Variants in MAPRE1 observed in about 807,000 individuals in gnomAD.
The protein encoded by MAPRE1 is microtubule-associated protein RP/EB family member 1.
Under a neutral mutation model 32.1 loss-of-function variants are expected in MAPRE1, and 5 were observed. The ratio of observed to expected loss-of-function variants is 0.16; its 90% CI spans 0.08 to 0.33. MAPRE1 has a LOEUF of 0.33. Among genes scored for constraint, MAPRE1 ranks in the 10% least tolerant of loss-of-function variants. MAPRE1 has a pLI of 1.00. For synonymous variants in MAPRE1, 122 were observed against 118.9 expected (o/e 1.03, Z -0.17); for missense variants, 209 against 327.2 (o/e 0.64, Z 2.79).
intron 1 of MAPRE1, among the ~76,000 whole-genome samples, chr20:32,822,409 G>T (rs1035833250): frequency 3.9e-5 from 6 of 152,140 alleles, no homozygotes; most frequent in Admixed American, 2.0e-4. Context: ...ATTCTCTCTG[G>T]TTTGCTGTGT....
intron 2 of MAPRE1, among the ~76,000 whole-genome samples, chr20:32,832,296 A>G (rs1983051160): frequency 6.6e-6 from 1 of 152,214 alleles, no homozygotes; most frequent in African/African-American, 2.4e-5. Flanking sequence ...GCAGTAAAGT[A>G]CACAGTGAAG....
In MAPRE1 at chr20:32,849,530, T is replaced by C. The variant is rs1207627668; in HGVS notation, c.*802T>C. On this transcript the variant is annotated 3_prime_UTR_variant, in exon 7 of 7. Coordinates refer to ENST00000375571, the MANE Select transcript of MAPRE1 (RefSeq NM_012325.3). The stretch of plus-strand genomic sequence containing the variant: ...TTGGGGAAGTGAGGTGTGCCCAGTT[T>C]TTTAATCTAACAACTACTTTTGGGG... The C allele has an allele frequency of 6.6e-6, 1 of 152,498 alleles. No individual in the cohort carries two copies. Among genetic ancestry groups the C allele is most frequent in the African/African-American group, 2.4e-5 (1 of 41,470 alleles). 9.4% of individuals were successfully genotyped at this position (152,498 alleles called of 1,614,324 possible). A position where few individuals can be genotyped will look rare whatever the true frequency, so the allele number is the denominator to read the frequency against.
At chr20:32,843,341 A>G (rs941091663) in intron 5 of MAPRE1, 5 of 152,140 alleles carry the variant, frequency 3.3e-5, no homozygotes, top group Non-Finnish European at 7.3e-5. Flanking sequence ...ATCTGCACAC[A>G]CTACCTTGTG....
chr20:32,826,512 GC>G (rs36101016), intron 2 of MAPRE1, among the ~76,000 whole-genome samples: 3,349 of 122,812 alleles, frequency 0.027, 58 homozygotes, highest in Non-Finnish European at 0.042. Context: ...GAGCCACCAC[GC>G]CCGGCCTTTT....
chr20:32,839,609 A>G (rs1983298488), intron 4 of MAPRE1, 126 bp from the exon 5 acceptor site: 1 of 1,331,214 alleles, frequency 7.5e-7, no homozygotes, highest in South Asian at 1.4e-5. Context: ...GCTCTCTAGC[A>G]TTGGTTCCCT....
At chr20:32,819,893 C>T (rs978729245), upstream of MAPRE1, 4 of 141,332 alleles carry the variant, frequency 2.8e-5, no homozygotes, top group African/African-American at 1.0e-4. Flanking sequence ...GATGGCGAGC[C>T]TTTACGTCGG....
At chr20:32,825,191 A>G (rs1010288625) in intron 1 of MAPRE1, among the ~76,000 whole-genome samples, 49 of 142,546 alleles carry the variant, frequency 3.4e-4, no homozygotes, top group African/African-American at 1.3e-3. Context: ...ACAAAAAACC[A>G]TTATCTGAAG....
intron 1 of MAPRE1, among the ~76,000 whole-genome samples, chr20:32,824,104 T>C (rs1299305713): frequency 6.6e-6 from 1 of 152,186 alleles, no homozygotes; most frequent in Non-Finnish European, 1.5e-5. Context: ...AAGTGGTTGG[T>C]ATGAAATGAT....
At chr20:32,825,879 A>T (rs201134009) in intron 1 of MAPRE1, 46 bp from the exon 2 acceptor site, 2 of 1,510,886 alleles carry the variant, frequency 1.3e-6, no homozygotes, top group Admixed American at 1.7e-5. Context: ...CCTTACTTGC[A>T]TGCCTAATGT....
At chr20:32,820,995 C>T (rs242550) in intron 1 of MAPRE1, among the ~76,000 whole-genome samples, 43,875 of 151,508 alleles carry the variant, frequency 0.29, 6,721 homozygotes, top group East Asian at 0.56. Context: ...TTAATACTAA[C>T]ACTGTCTTTA....
chr20:32,841,572 C>T (rs1443179472), intron 5 of MAPRE1, among the ~76,000 whole-genome samples: 4 of 150,996 alleles, frequency 2.6e-5, no homozygotes, highest in Non-Finnish European at 5.9e-5. Context: ...CCCACTAACT[C>T]GTCATCTAGC....
chr20:32,846,431 C>A (rs1023364281), intron 5 of MAPRE1, among the ~76,000 whole-genome samples, 187 bp from the exon 6 acceptor site: 1 of 152,186 alleles, frequency 6.6e-6, no homozygotes, highest in Non-Finnish European at 1.5e-5. Flanking sequence ...CTGTTACCGT[C>A]AAGGTTGCTA....
intron 1 of MAPRE1, 147 bp downstream of exon 1, chr20:32,820,175 C>G (rs1270325386): frequency 2.0e-5 from 3 of 146,822 alleles, no homozygotes; most frequent in Non-Finnish European, 3.0e-5. Flanking sequence ...AGGGCGGGGC[C>G]GTCACCCGGC....
At chr20:32,848,106 G>A (rs1400240282) in intron 6 of MAPRE1, among the ~76,000 whole-genome samples, 1 of 151,820 alleles carries the variant, frequency 6.6e-6, no homozygotes, top group Non-Finnish European at 1.5e-5. Flanking sequence ...GTGCCTGGTG[G>A]TGCGATCATG....
At chr20:32,831,025 C>T (rs531977884) in intron 2 of MAPRE1, among the ~76,000 whole-genome samples, 1 of 152,072 alleles carries the variant, frequency 6.6e-6, no homozygotes, top group Non-Finnish European at 1.5e-5. Context: ...CGCCCAGCCT[C>T]TTCAAACATT....
intron 1 of MAPRE1, among the ~76,000 whole-genome samples, chr20:32,820,778 C>T (rs1024361888): frequency 2.0e-5 from 3 of 150,586 alleles, no homozygotes; most frequent in Non-Finnish European, 4.5e-5. Context: ...TCACAGTTGC[C>T]CTCGGATGCT....
At position 32,846,744 on chromosome 20, in the gene MAPRE1, A is replaced by G; in HGVS notation, c.724A>G (p.Ile242Val). ...EGENDPVLQRIVDILYATDEG... is the reference protein window; with the variant it reads ...EGENDPVLQRVVDILYATDEG... ...GGAAAACGACCCTGTATTGCAGAGG[A>G]TTGTAGACATTCTGTATGCCACAGA... The change falls in exon 6 of 7, where the codon ATT (isoleucine) becomes GTT (valine). Residue 242 changes from isoleucine (I) to valine (V), a missense_variant. Physicochemically the swap from Ile to Val is conservative, Grantham distance 29. Around this residue, in one of 3 missense-constraint regions of MAPRE1, gnomAD observed 36 missense variants for 71.9 expected, o/e 0.50. Coordinates refer to ENST00000375571, the MANE Select transcript of MAPRE1 (RefSeq NM_012325.3). The G allele has an allele frequency of 1.9e-6, 3 of 1,614,190 alleles. No homozygotes were observed. The highest frequency in any genetic ancestry group is 2.5e-6 in the Non-Finnish European group (3 of 1,180,030).
chr20:32,825,896 G>T, intron 1 of MAPRE1, 29 bp from the exon 2 acceptor site: 3 of 1,560,790 alleles, frequency 1.9e-6, no homozygotes, highest in Non-Finnish European at 2.6e-6. Flanking sequence ...ATGTAACACA[G>T]GCCCTTCTCT....
At chr20:32,836,963 T>C in intron 4 of MAPRE1, 122 bp downstream of exon 4, 3 of 885,720 alleles carry the variant, frequency 3.4e-6, no homozygotes, top group East Asian at 2.6e-5. Context: ...ATCCCAGGCA[T>C]GTGGCCAGAG....
Sources: gnomAD v4.1 joint callset for allele counts (sites outside exome capture counted in the v4.1 genomes callset) on GRCh38, gnomAD v4.1.1 for gene constraint, gnomAD v4.1.1 regional missense constraint, MANE v1.5 for transcripts, NCBI Gene and HGNC (gene_info 2026-07-23, HGNC 2026-07-21) for gene names.